The following NPC2 variants were observed in gnomAD, a reference collection of about 807,000 sequenced individuals.
NPC2 encodes the protein NPC intracellular cholesterol transporter 2.
NPC2 carries 14 observed loss-of-function variants against 17.0 expected under a neutral mutation model. The observed-to-expected ratio is 0.82, with a 90% CI of 0.54 to 1.29. NPC2 has a LOEUF of 1.29. NPC2 is among the 50% of genes most tolerant of loss of function. NPC2 has a pLI of 0.00. For synonymous variants in NPC2, 75 were observed against 69.3 expected (o/e 1.08, Z -0.41); for missense variants, 167 against 183.4 (o/e 0.91, Z 0.52).
chr14:74,480,741 T>C lies in NPC2; in HGVS notation c.402A>G (p.Lys134=). 6.2e-7 allele frequency: 1 copy of C among 1,614,186 alleles called. No individual in the cohort carries two copies. The highest frequency in any genetic ancestry group is 1.3e-5 in the African/African-American group (1 of 75,068). Residue 134 remains lysine (K), a synonymous_variant, in exon 4 of 5, where the codon AAA becomes AAG. Coordinates refer to ENST00000555619, the MANE Select transcript of NPC2 (RefSeq NM_006432.5). The stretch of plus-strand genomic sequence containing the variant: ...TTTCCCAGCAGAAGAGACTTTGGTT[T>C]TTGTCATCCTGAAGTTGCCACTCCA... ...LVVEWQLQDD[K]NQSLFCWEIP...
chr14:74,484,642 T>C (rs577600683), intron 2 of NPC2, 55 bp from the exon 3 acceptor site: 460 of 1,566,818 alleles, frequency 2.9e-4, no homozygotes, highest in Non-Finnish European at 3.8e-4. Context: ...TTTCAAACTC[T>C]AAATCAAAAA....
At chr14:74,492,245 G>C (rs778809773) in intron 1 of NPC2, among the ~76,000 whole-genome samples, 1 of 152,118 alleles carries the variant, frequency 6.6e-6, no homozygotes, top group Non-Finnish European at 1.5e-5. Flanking sequence ...CCCCACAGCC[G>C]GCTCTGCGTG....
Position 74,480,003 on chromosome 14 carries a change from G to A in NPC2, c.*271C>T, listed in dbSNP as rs75936194. 2,475 of 1,421,790 alleles carry A rather than the reference G, an allele frequency of 1.7e-3. 44 individuals carry two copies. The Admixed American group carries it at 0.033, about 19-fold the overall frequency. The allele number at this position is 1,421,790 out of a possible 1,614,324, so 88.1% of individuals were successfully genotyped here. On this transcript the variant is annotated 3_prime_UTR_variant, in exon 5 of 5. Transcript: ENST00000555619. The stretch of plus-strand genomic sequence containing the variant: ...AGTAAATTTCCAGGTGTAGAAAGAG[G>A]CCACAAGTTAATGTTGTTAAAAAAA...
chr14:74,485,291 T>TCA, intron 2 of NPC2, among the ~76,000 whole-genome samples: 2 of 26,524 alleles, frequency 7.5e-5, no homozygotes, highest in Non-Finnish European at 1.1e-4. Context: ...CGAGACTCTG[T>TCA]CACAAAAAAA....
Position 74,480,736 on chromosome 14 carries a change from T to C in NPC2, c.407A>G (p.Gln136Arg), listed in dbSNP as rs1443126524. ...VEWQLQDDKN[Q>R]SLFCWEIPVQ... ...TGGGATTTCCCAGCAGAAGAGACTT[T>C]GGTTTTTGTCATCCTGAAGTTGCCA... The change falls in exon 4 of 5, where the codon CAA becomes CGA. Residue 136 changes from glutamine (Q) to arginine (R), a missense_variant. Transcript: ENST00000555619. 1.2e-6 allele frequency: 2 copies of C among 1,614,170 alleles called. No homozygotes were observed. The highest frequency in any genetic ancestry group is 1.1e-5 in the South Asian group (1 of 91,088).
rs2086715125 is a variant in NPC2 at position 74,486,567 on chromosome 14, A to C, written c.83-131T>G. The C allele has an allele frequency of 5.5e-6, 4 of 730,804 alleles. No individual in the cohort carries two copies. In the African/African-American group the frequency reaches 7.0e-5, roughly 13 times the overall value. 45.3% of individuals were successfully genotyped at this position (730,804 alleles called of 1,614,324 possible). A position where few individuals can be genotyped will look rare whatever the true frequency, so the allele number is the denominator to read the frequency against. On this transcript the variant is annotated intron_variant, in intron 1 of 4. Coordinates refer to ENST00000555619, the MANE Select transcript of NPC2 (RefSeq NM_006432.5). ...ACTCATTCTCCTCGGACTGTTTCCC[A>C]GGATGGAATCTTTAAGAATAATGCC...
In NPC2 at chr14:74,493,237, A is replaced by G. The variant is rs147602717; in HGVS notation, c.38T>C (p.Leu13Pro). The change falls in exon 1 of 5, where the codon CTC (leucine) becomes CCC (proline). Residue 13 changes from leucine to proline, a missense_variant. By Grantham distance (98) the Leu-to-Pro change is moderately conservative. Transcript: ENST00000555619. The surrounding 1 kb of genome is among the most constrained non-coding windows in gnomAD (Gnocchi z 4.1). ...CGGTTCGGCCTGGGCAGCGGTGCTG[A>G]GCGCCAGGAGCAGGAATGTAGCTGC... ...FLAATFLLLA[L>P]STAAQAEPVQ... 1.6e-4 allele frequency: 254 copies of G among 1,613,050 alleles called. No homozygotes were observed. The highest frequency in any genetic ancestry group is 2.0e-4 in the Non-Finnish European group (241 of 1,179,706).
chr14:74,485,858 C>T (rs1388543587), intron 2 of NPC2, among the ~76,000 whole-genome samples: 1 of 152,158 alleles, frequency 6.6e-6, no homozygotes, highest in East Asian at 1.9e-4. Context: ...CCAGTGGGTT[C>T]CCTAAATCTT....
In NPC2 at chr14:74,493,261, G is replaced by A; in HGVS notation, c.14C>T (p.Ala5Val). ...GAGCGCCAGGAGCAGGAATGTAGCT[G>A]CCAGGAAACGCATCGCGGATAACGA... is the stretch of plus-strand genomic sequence containing the variant. MRFLAATFLLLALST... is the reference protein window; with the variant it reads MRFLVATFLLLALST... The change falls in exon 1 of 5, where the codon GCA becomes GTA. Residue 5 changes from alanine to valine, a missense_variant. Ala to Val is a moderately conservative substitution (Grantham distance 64). Transcript: ENST00000555619. The surrounding 1 kb of genome is among the most constrained non-coding windows in gnomAD (Gnocchi z 4.1). The A allele has an allele frequency of 6.2e-7, 1 of 1,613,304 alleles. No homozygotes were observed. Among genetic ancestry groups the A allele is most frequent in the Non-Finnish European group, 8.5e-7 (1 of 1,179,718 alleles).
chr14:74,484,549 T>A lies in NPC2; in HGVS notation c.229A>T (p.Ile77Phe). The A allele has an allele frequency of 1.2e-6, 2 of 1,614,122 alleles. No homozygotes were observed. Among genetic ancestry groups the A allele is most frequent in the Non-Finnish European group, 1.7e-6 (2 of 1,180,026 alleles). Residue 77 changes from isoleucine to phenylalanine, a missense_variant, in exon 3 of 5, where the codon ATC becomes TTC. Coordinates refer to ENST00000555619, the MANE Select transcript of NPC2 (RefSeq NM_006432.5). The stretch of plus-strand genomic sequence containing the variant: ...AAGGGAACTGGGACGCCCATCAGGA[T>A]GCCATGCACCACGGCCTTGCTGCTT... ...SKSSKAVVHGILMGVPVPFPI... is the reference protein window; with the variant it reads ...SKSSKAVVHGFLMGVPVPFPI...
At chr14:74,485,427 C>G (rs1448670967) in intron 2 of NPC2, among the ~76,000 whole-genome samples, 3 of 150,108 alleles carry the variant, frequency 2.0e-5, no homozygotes, top group Non-Finnish European at 4.4e-5. Context: ...TGAGGGCAAT[C>G]AGACTTATGA....
upstream of NPC2, chr14:74,493,460 A>C (rs2086801609): frequency 7.3e-7 from 1 of 1,370,518 alleles, no homozygotes; most frequent in Non-Finnish European, 1.0e-6. This position sits in a 1 kb window ranked among gnomAD's most constrained non-coding sequence, Gnocchi z 4.1. Context: ...CAGGCCCAGA[A>C]GCCTGCAGTC....
Position 74,493,177 on chromosome 14 carries a change from CG to C in NPC2, c.82+15del. 3 of 1,600,296 alleles carry C rather than the reference CG, an allele frequency of 1.9e-6. No individual in the cohort carries two copies. The highest frequency in any genetic ancestry group is 2.6e-6 in the Non-Finnish European group (3 of 1,174,604). On this transcript the variant is annotated intron_variant, in intron 1 of 4. Transcript: ENST00000555619. The surrounding 1 kb of genome is among the most constrained non-coding windows in gnomAD (Gnocchi z 4.1). ...CCACAGAGGGCGCGGGAACCTTGGGCGGGCCTGGGGCTCACCGCAGTCCTTG... is the reference window on the plus strand; with the variant it reads ...CCACAGAGGGCGCGGGAACCTTGGGCGGCCTGGGGCTCACCGCAGTCCTTG...
intron 1 of NPC2, among the ~76,000 whole-genome samples, chr14:74,488,229 T>C (rs73294497): frequency 0.015 from 2,269 of 152,326 alleles, 47 homozygotes; most frequent in African/African-American, 0.052. Flanking sequence ...TTTTCAGTGA[T>C]GAAGTATCTT....
At chr14:74,487,819 T>C (rs2086729558) in intron 1 of NPC2, among the ~76,000 whole-genome samples, 1 of 152,214 alleles carries the variant, frequency 6.6e-6, no homozygotes, top group African/African-American at 2.4e-5. Flanking sequence ...AAATTGTACC[T>C]TGACTAGCAA....
intron 1 of NPC2, among the ~76,000 whole-genome samples, chr14:74,490,522 T>G (rs939551393): frequency 2.6e-5 from 4 of 152,238 alleles, no homozygotes; most frequent in African/African-American, 9.6e-5. Flanking sequence ...ATGTTAAGGC[T>G]TTCAATGTCC....
Position 74,480,292 on chromosome 14 carries a change from T to C in NPC2, c.442-4A>G, listed in dbSNP as rs114950106. 1.1e-5 allele frequency: 17 copies of C among 1,611,964 alleles called. No individual in the cohort carries two copies. The highest frequency in any genetic ancestry group is 8.5e-6 in the Non-Finnish European group (10 of 1,178,612). On this transcript the variant is annotated splice_region_variant and splice_polypyrimidine_tract_variant and intron_variant, in intron 4 of 4. Coordinates refer to ENST00000555619, the MANE Select transcript of NPC2 (RefSeq NM_006432.5). ...GAGGCACTTAGAGATGAGAAACCTGTGGATGTAATGTCCCAGCTCAGTGGA... is the reference window on the plus strand; with the variant it reads ...GAGGCACTTAGAGATGAGAAACCTGCGGATGTAATGTCCCAGCTCAGTGGA...
chr14:74,479,950 A>G lies in NPC2; in HGVS notation c.*324T>C. On this transcript the variant is annotated 3_prime_UTR_variant, in exon 5 of 5. Transcript: ENST00000555619. ...AGACCACAGCCCACATGCAGAAGAC[A>G]AGACAAACGAGTTTTTATTTATTCA... 1 of 1,287,488 alleles carries G rather than the reference A, an allele frequency of 7.8e-7. No homozygotes were observed. Among genetic ancestry groups the G allele is most frequent in the East Asian group, 4.0e-5 (1 of 24,990 alleles). 79.8% of individuals were successfully genotyped at this position (1,287,488 alleles called of 1,614,324 possible). A position where few individuals can be genotyped will look rare whatever the true frequency, so the allele number is the denominator to read the frequency against.
At chr14:74,488,499 A>G (rs995205732) in intron 1 of NPC2, among the ~76,000 whole-genome samples, 3 of 152,196 alleles carry the variant, frequency 2.0e-5, no homozygotes, top group Non-Finnish European at 4.4e-5. Flanking sequence ...GTGGATCAAG[A>G]GGTTAAGAGT....
Sources: allele counts gnomAD v4.1 joint callset (sites outside exome capture counted in the v4.1 genomes callset), GRCh38; gene constraint gnomAD v4.1.1; non-coding constraint Gnocchi (gnomAD v3.1); transcripts MANE v1.5; gene names NCBI Gene and HGNC (gene_info 2026-07-23, HGNC 2026-07-21).